Variants in SNX9 observed in about 807,000 individuals in gnomAD.
SNX9 encodes the protein sorting nexin-9.
Under a neutral mutation model 89.4 loss-of-function variants are expected in SNX9, and 44 were observed. The observed-to-expected ratio is 0.49, with a 90% confidence interval of 0.39 to 0.63. The LOEUF (loss-of-function observed/expected upper bound fraction) is 0.63. Ranked by LOEUF, SNX9 falls within the 30% of genes least tolerant of loss-of-function variation. The pLI is 0.00. For synonymous variants in SNX9, 236 were observed against 247.8 expected, an observed-to-expected ratio of 0.95 and a Z score of 0.45; for missense variants, 578 against 736.1, an observed-to-expected ratio of 0.79 and a Z score of 2.49.
intron 6 of SNX9, among the ~76,000 whole-genome samples, chr6:157,903,340 A>G (rs1158919338): frequency 6.6e-6 from 1 of 152,220 alleles, no homozygotes; most frequent in Admixed American, 6.5e-5. Context: ...CAAGTTCTCC[A>G]AAGTATATTT....
chr6:157,834,159 T>TG (rs1562588746), intron 1 of SNX9, among the ~76,000 whole-genome samples: 14 of 96,770 alleles, frequency 1.4e-4, no homozygotes, highest in Admixed American at 1.0e-3. Context: ...GGTTTTTTTT[T>TG]TTTTTTTTTT....
At chr6:157,941,237 C>T (rs112749962) in intron 17 of SNX9, among the ~76,000 whole-genome samples, 1 of 152,156 alleles carries the variant, frequency 6.6e-6, no homozygotes, top group African/African-American at 2.4e-5. Flanking sequence ...CCTTATTGTG[C>T]AGCTCCTTCC....
chr6:157,836,016 C>T (rs757307190), intron 1 of SNX9, among the ~76,000 whole-genome samples: 1 of 152,132 alleles, frequency 6.6e-6, no homozygotes, highest in Non-Finnish European at 1.5e-5. Flanking sequence ...GCAGCAGCCT[C>T]GACCTCCCAG....
chr6:157,909,436 G>A (rs948109676), intron 7 of SNX9, among the ~76,000 whole-genome samples: 9 of 152,132 alleles, frequency 5.9e-5, no homozygotes, highest in Admixed American at 2.0e-4. Flanking sequence ...CTCTCCATGG[G>A]CTGAGCTACT....
chr6:157,826,503 A>G lies in SNX9; in HGVS notation c.12+3057A>G, dbSNP rs1333416905. On this transcript the variant is annotated intron_variant, in intron 1 of 17. Transcript: ENST00000392185. ...TGACAGAGTGAGACTCCATCTCAAGAAAAAAAAAAAAAAAAGGAAAGTTAA... is the reference window on the plus strand; with the variant it reads ...TGACAGAGTGAGACTCCATCTCAAGGAAAAAAAAAAAAAAAGGAAAGTTAA... 3.5e-4 allele frequency among the ~76,000 whole-genome samples: 44 copies of G among 124,134 alleles called. No individual in the cohort carries two copies. In the East Asian group the frequency reaches 4.7e-3, roughly 13 times the overall value. The allele number at this position is 124,134 out of a possible 152,430, so 81.4% of individuals were successfully genotyped here.
intron 1 of SNX9, among the ~76,000 whole-genome samples, chr6:157,847,266 CTAATTTTTGTATTTTTGGTAGAGAT>C (rs1168709955): frequency 2.0e-5 from 3 of 152,012 alleles, no homozygotes; most frequent in Non-Finnish European, 2.9e-5. Context: ...CACTGCTTGG[CTAATTTTTGTATTTTTGGTAGAGAT>C]GGGGTTTTGC....
chr6:157,840,939 A>G (rs955880501), intron 1 of SNX9, among the ~76,000 whole-genome samples: 2 of 152,210 alleles, frequency 1.3e-5, no homozygotes, highest in Non-Finnish European at 2.9e-5. Context: ...AGACATAAGC[A>G]AAGTACTTGC....
rs749037346 is a variant in SNX9 at position 157,940,076 on chromosome 6, G to A, written c.1649-807G>A. Among the ~76,000 whole-genome samples the A allele has an allele frequency of 7.9e-5, 12 of 152,210 alleles. 1 individual carries two copies. The highest frequency in any genetic ancestry group is 4.1e-4 in the South Asian group (2 of 4,834). On this transcript the variant is annotated intron_variant, in intron 16 of 17. Coordinates refer to ENST00000392185, the MANE Select transcript of SNX9 (RefSeq NM_016224.5). Reference sequence around the variant, plus strand: ...TGAGAGGTTGAGTTCTGACAGCGTCGCTGGTGCTCAGGGGCAGCAAGGCTT... The same window carrying A: ...TGAGAGGTTGAGTTCTGACAGCGTCACTGGTGCTCAGGGGCAGCAAGGCTT...
At chr6:157,917,276 T>C (rs534239454) in intron 9 of SNX9, among the ~76,000 whole-genome samples, 1 of 152,250 alleles carries the variant, frequency 6.6e-6, no homozygotes, top group East Asian at 1.9e-4. Context: ...TTTATGTATT[T>C]TTATTTTTCT....
intron 1 of SNX9, among the ~76,000 whole-genome samples, chr6:157,859,198 T>C (rs1782070455): frequency 1.3e-5 from 2 of 152,260 alleles, no homozygotes; most frequent in African/African-American, 4.8e-5. Flanking sequence ...AGAAATATAA[T>C]GAGAAACGTC....
chr6:157,871,142 G>A (rs946107424), intron 2 of SNX9, among the ~76,000 whole-genome samples: 16 of 152,094 alleles, frequency 1.1e-4, no homozygotes, highest in Non-Finnish European at 1.9e-4. Flanking sequence ...ACTTTTGGAG[G>A]CCGAGGCAGG....
At chr6:157,880,278 G>A (rs555701721) in intron 4 of SNX9, among the ~76,000 whole-genome samples, 1 of 152,306 alleles carries the variant, frequency 6.6e-6, no homozygotes, top group East Asian at 1.9e-4. Context: ...CGGACACATG[G>A]AAGATATTTC....
chr6:157,826,502 G>GGAAA (rs1554290484), intron 1 of SNX9, among the ~76,000 whole-genome samples: 2 of 78,042 alleles, frequency 2.6e-5, no homozygotes, highest in African/African-American at 8.4e-5. Context: ...TCCATCTCAA[G>GGAAA]AAAAAAAAAA....
intron 4 of SNX9, among the ~76,000 whole-genome samples, chr6:157,878,856 T>C (rs1172298188): frequency 2.6e-5 from 4 of 152,202 alleles, no homozygotes; most frequent in Non-Finnish European, 5.9e-5. Context: ...ACATACACTC[T>C]TGCTAATCTG....
intron 1 of SNX9, among the ~76,000 whole-genome samples, chr6:157,854,964 A>AG (rs1332174164): frequency 6.6e-6 from 1 of 151,350 alleles, no homozygotes; most frequent in Non-Finnish European, 1.5e-5. Context: ...AAAAAAAAAA[A>AG]AAAAACCCCA....
At chr6:157,886,314 C>G (rs538155396) in intron 4 of SNX9, among the ~76,000 whole-genome samples, 112 of 152,228 alleles carry the variant, frequency 7.4e-4, no homozygotes, top group Non-Finnish European at 1.4e-3. Flanking sequence ...AATAACAAAA[C>G]CAGAAACTAC....
intron 1 of SNX9, chr6:157,829,423 A>G (rs1051870465): frequency 1.1e-4 from 16 of 152,322 alleles, no homozygotes; most frequent in Admixed American, 3.3e-4. Context: ...CCCAGCATAC[A>G]GTCAGCTTTT....
chr6:157,824,283 T>C (rs1781299886), intron 1 of SNX9, among the ~76,000 whole-genome samples: 1 of 152,168 alleles, frequency 6.6e-6, no homozygotes, highest in South Asian at 2.1e-4. Flanking sequence ...CCTTGGGCGT[T>C]TTCAGTAGTT....
chr6:157,876,837 A>G (rs1025452896), intron 4 of SNX9, among the ~76,000 whole-genome samples: 8 of 152,322 alleles, frequency 5.3e-5, no homozygotes, highest in Admixed American at 6.5e-5. Context: ...CCTAGCTTCT[A>G]CCTACCAGGT....
Sources: gnomAD v4.1 joint callset for allele counts (sites outside exome capture counted in the v4.1 genomes callset) on GRCh38, gnomAD v4.1.1 for gene constraint, MANE v1.5 for transcripts, NCBI Gene and HGNC (gene_info 2026-07-23, HGNC 2026-07-21) for gene names.